FHIT: variants seen among roughly 807,000 people sequenced by gnomAD.
The protein encoded by FHIT is bis(5'-adenosyl)-triphosphatase.
FHIT carries 19 observed loss-of-function variants against 17.9 expected under a neutral mutation model. That is an observed-to-expected ratio of 1.06 (90% CI 0.74 to 1.56). FHIT has a LOEUF of 1.56. Among genes scored for constraint, FHIT ranks in the 40% most tolerant of loss-of-function variants. The pLI, the probability that FHIT is intolerant of heterozygous loss-of-function variation, is 0.00. For synonymous variants in FHIT, 81 were observed against 69.7 expected (o/e 1.16, Z -0.81); for missense variants, 248 against 189.2 (o/e 1.31, Z -1.82).
intron 5 of FHIT, among the ~76,000 whole-genome samples, chr3:60,084,519 A>G (rs1243802009): frequency 6.6e-6 from 1 of 152,180 alleles, no homozygotes; most frequent in African/African-American, 2.4e-5. Flanking sequence ...CTAAAATTGT[A>G]ATTAAAACAA....
intron 3 of FHIT, among the ~76,000 whole-genome samples, chr3:60,875,420 TGTCAAACCC>T (rs1704602440): frequency 6.6e-6 from 1 of 152,200 alleles, no homozygotes; most frequent in East Asian, 1.9e-4. Context: ...AAGTTAGTTC[TGTCAAACCC>T]AATCCACAGA....
At chr3:60,780,344 T>G (rs781942502) in intron 4 of FHIT, among the ~76,000 whole-genome samples, 1 of 152,144 alleles carries the variant, frequency 6.6e-6, no homozygotes, top group Non-Finnish European at 1.5e-5. Flanking sequence ...TTCCCAAACC[T>G]TAAACTGGTT....
chr3:60,345,566 T>C (rs1372604409), intron 5 of FHIT, among the ~76,000 whole-genome samples: 1 of 152,190 alleles, frequency 6.6e-6, no homozygotes, highest in Non-Finnish European at 1.5e-5. Flanking sequence ...AACGAGAACC[T>C]AGAATGATCT....
intron 2 of FHIT, among the ~76,000 whole-genome samples, chr3:61,189,851 T>C (rs1433150513): frequency 1.3e-5 from 2 of 152,174 alleles, no homozygotes; most frequent in Non-Finnish European, 2.9e-5. Context: ...CCCTATTTAA[T>C]AAATGGTGCT....
At position 60,334,106 on chromosome 3, in the gene FHIT, C is replaced by T. The variant is rs555935018; in HGVS notation, c.103+202754G>A. On this transcript the variant is annotated intron_variant, in intron 5 of 9. Coordinates refer to ENST00000492590, the MANE Select transcript of FHIT (RefSeq NM_002012.4). ...CAATACTTGTTGTCTCAGTGACTGG[C>T]TTTCTATGAAACAAATGGAAGGACC... Among the ~76,000 whole-genome samples the T allele has an allele frequency of 4.3e-4, 66 of 152,312 alleles. No individual in the cohort carries two copies. The South Asian group carries it at 0.012, about 29-fold the overall frequency.
chr3:60,553,063 G>C (rs374334428), intron 4 of FHIT, among the ~76,000 whole-genome samples: 4 of 152,196 alleles, frequency 2.6e-5, no homozygotes, highest in African/African-American at 7.2e-5. Context: ...GAGCTGCCAA[G>C]ACAGGCTCTG....
chr3:60,096,976 T>C lies in FHIT; in HGVS notation c.104-82824A>G, dbSNP rs186708725. ...CAGGAGGATTCCTTCAGGCTAGGAG[T>C]TCAAGGCCAACCTGGCCAACACAGT... On this transcript the variant is annotated intron_variant, in intron 5 of 9. Coordinates refer to ENST00000492590, the MANE Select transcript of FHIT (RefSeq NM_002012.4). Among the ~76,000 whole-genome samples the C allele has an allele frequency of 4.8e-4, 69 of 143,004 alleles. No individual in the cohort carries two copies. The East Asian group carries it at 0.014, about 28-fold the overall frequency. 93.8% of individuals were successfully genotyped at this position (143,004 alleles called of 152,430 possible).
At chr3:60,666,803 G>T (rs1553692564) in intron 4 of FHIT, among the ~76,000 whole-genome samples, 1 of 151,822 alleles carries the variant, frequency 6.6e-6, no homozygotes, top group Non-Finnish European at 1.5e-5. Context: ...CTCCTGAGTA[G>T]CTGGGACCAC....
chr3:60,189,036 C>A (rs891843617), intron 5 of FHIT, among the ~76,000 whole-genome samples: 1 of 152,108 alleles, frequency 6.6e-6, no homozygotes, highest in South Asian at 2.1e-4. Flanking sequence ...TTAGAGAACA[C>A]CAGCATTTCT....
intron 3 of FHIT, among the ~76,000 whole-genome samples, chr3:60,987,095 C>T (rs1224333494): frequency 6.6e-6 from 1 of 152,166 alleles, no homozygotes; most frequent in Non-Finnish European, 1.5e-5. Context: ...TTAAGTCAGT[C>T]AAGTTGAAGT....
At chr3:60,813,611 C>T (rs2106727230) in intron 4 of FHIT, among the ~76,000 whole-genome samples, 1 of 152,286 alleles carries the variant, frequency 6.6e-6, no homozygotes, top group East Asian at 1.9e-4. Flanking sequence ...TCTCTATACT[C>T]TCCAATTACA....
intron 5 of FHIT, among the ~76,000 whole-genome samples, chr3:60,188,207 C>CTTTTTTTTTTTTTTTT (rs1210975877): frequency 4.0e-5 from 5 of 125,570 alleles, no homozygotes; most frequent in Non-Finnish European, 8.1e-5. Flanking sequence ...CAGTTTCTTT[C>CTTTTTTTTTTTTTTTT]TTTTTTTTTT....
chr3:60,838,135 T>C (rs1197752591), intron 3 of FHIT, among the ~76,000 whole-genome samples: 1 of 152,204 alleles, frequency 6.6e-6, no homozygotes, highest in East Asian at 1.9e-4. Context: ...AGTCTCACCG[T>C]GTCATCCAGG....
intron 2 of FHIT, among the ~76,000 whole-genome samples, chr3:61,095,893 C>T (rs2035623901): frequency 6.6e-6 from 1 of 152,154 alleles, no homozygotes. Context: ...AAGTTCATTA[C>T]AAGAAATGCC....
Position 60,383,159 on chromosome 3 carries a change from G to A in FHIT, c.103+153701C>T, listed in dbSNP as rs571347909. 2.0e-5 allele frequency among the ~76,000 whole-genome samples: 3 copies of A among 152,234 alleles called. No homozygotes were observed. In the South Asian group the frequency reaches 6.2e-4, roughly 32 times the overall value. On this transcript the variant is annotated intron_variant, in intron 5 of 9. Transcript: ENST00000492590. Reference sequence around the variant, plus strand: ...TGTTTACCGATAGAAAAATATGTAGGGAATGGGAGTTTCTTTTGCGCTTAC... The same window carrying A: ...TGTTTACCGATAGAAAAATATGTAGAGAATGGGAGTTTCTTTTGCGCTTAC...
intron 3 of FHIT, among the ~76,000 whole-genome samples, chr3:60,946,892 G>C (rs1575734889): frequency 6.6e-6 from 1 of 152,334 alleles, no homozygotes; most frequent in East Asian, 1.9e-4. Flanking sequence ...CTATAAGATA[G>C]ACAATAGGCA....
At chr3:59,828,298 T>C (rs1010647183) in intron 8 of FHIT, among the ~76,000 whole-genome samples, 1 of 152,218 alleles carries the variant, frequency 6.6e-6, no homozygotes, top group African/African-American at 2.4e-5. Flanking sequence ...GCCTCCAGGA[T>C]TGAAGACATT....
At chr3:61,082,714 T>C (rs1283369987) in intron 2 of FHIT, among the ~76,000 whole-genome samples, 1 of 152,254 alleles carries the variant, frequency 6.6e-6, no homozygotes, top group Non-Finnish European at 1.5e-5. Context: ...TTATCAATCT[T>C]CTTTCATTTT....
chr3:60,831,246 C>T (rs1161912615), intron 3 of FHIT, among the ~76,000 whole-genome samples: 1 of 152,066 alleles, frequency 6.6e-6, no homozygotes, highest in Non-Finnish European at 1.5e-5. Context: ...AGCTGAAAAA[C>T]ATATGTTTTT....
Sources: allele counts gnomAD v4.1 joint callset (sites outside exome capture counted in the v4.1 genomes callset), GRCh38; gene constraint gnomAD v4.1.1; transcripts MANE v1.5; gene names NCBI Gene and HGNC (gene_info 2026-07-23, HGNC 2026-07-21).